LIMCH1: variants seen among roughly 807,000 people sequenced by gnomAD.
LIMCH1 encodes the protein LIM and calponin homology domains 1, also known as LIM and calponin homology domains-containing protein 1.
In LIMCH1, 113 loss-of-function variants were observed where a neutral mutation model predicts 176.5. The ratio of observed to expected loss-of-function variants is 0.64; its 90% confidence interval spans 0.55 to 0.75. The LOEUF (loss-of-function observed/expected upper bound fraction) is 0.75, where lower values mean the gene tolerates loss of function less well. Among genes scored for constraint, LIMCH1 ranks in the 30% least tolerant of loss-of-function variants. The pLI is 0.00. For synonymous variants in LIMCH1, 619 were observed against 645.9 expected (o/e 0.96, Z 0.63); for missense variants, 1,674 against 1,814.9 (o/e 0.92, Z 1.41).
chr4:41,402,249 AG>A (rs2058522105), intron 1 of LIMCH1, among the ~76,000 whole-genome samples: 1 of 152,166 alleles, frequency 6.6e-6, no homozygotes, highest in African/African-American at 2.4e-5. Context: ...TGGCCATCAG[AG>A]AAATGCAAAT....
At chr4:41,617,123 G>T (rs188536728) in intron 5 of LIMCH1, among the ~76,000 whole-genome samples, 55 of 152,060 alleles carry the variant, frequency 3.6e-4, no homozygotes, top group Non-Finnish European at 4.7e-4. Context: ...TACACAAATA[G>T]GATTCATAGA....
chr4:41,572,849 G>T (rs1031839984), intron 1 of LIMCH1, among the ~76,000 whole-genome samples: 1 of 152,184 alleles, frequency 6.6e-6, no homozygotes, highest in Non-Finnish European at 1.5e-5. Flanking sequence ...GGAGTCAGAC[G>T]AGTGTTCAGA....
intron 5 of LIMCH1, among the ~76,000 whole-genome samples, chr4:41,616,464 A>G (rs12509141): frequency 0.7 from 106,828 of 151,778 alleles, 38,074 homozygotes; most frequent in East Asian, 0.86. Context: ...GGGAGGTGGA[A>G]GTTGCAGTGA....
At chr4:41,472,877 C>G (rs567964553) in intron 1 of LIMCH1, 5 of 308,104 alleles carry the variant, frequency 1.6e-5, no homozygotes, top group Non-Finnish European at 2.4e-5. Context: ...GCAGGATTCC[C>G]CAAGCTTACT....
chr4:41,654,617 A>G (rs1454744516), intron 18 of LIMCH1, among the ~76,000 whole-genome samples: 2 of 152,160 alleles, frequency 1.3e-5, no homozygotes, highest in Non-Finnish European at 2.9e-5. Context: ...GGCTGAGTTT[A>G]GTCTGGGAAG....
At chr4:41,482,542 A>C (rs535184601) in intron 1 of LIMCH1, among the ~76,000 whole-genome samples, 1 of 152,290 alleles carries the variant, frequency 6.6e-6, no homozygotes, top group African/African-American at 2.4e-5. Context: ...TGCTTCTGCG[A>C]TGTTACAATC....
chr4:41,660,783 T>C (rs146934530), intron 18 of LIMCH1, among the ~76,000 whole-genome samples: 2 of 152,128 alleles, frequency 1.3e-5, no homozygotes, highest in African/African-American at 4.8e-5. Context: ...ATTGATATAT[T>C]TGAGGGTAAT....
Position 41,699,009 on chromosome 4 carries a change from TAAAAAG to T in LIMCH1, c.*1830_*1835del, listed in dbSNP as rs978490180. 1 of 152,286 alleles carries T rather than the reference TAAAAAG, an allele frequency of 6.6e-6. No individual in the cohort carries two copies. The highest frequency in any genetic ancestry group is 2.4e-5 in the African/African-American group (1 of 41,424). The allele number at this position is 152,286 out of a possible 1,614,324, so 9.4% of individuals were successfully genotyped here. On this transcript the variant is annotated 3_prime_UTR_variant, in exon 32 of 32. Coordinates refer to ENST00000503057, the MANE Select transcript of LIMCH1 (RefSeq NM_001330672.2). ...ATAAAAAAAGAAAAAAAGAAAAAATTAAAAAGAAAAATTGTTTTGAAAATGTACAGA... is the reference window on the plus strand; with the variant it reads ...ATAAAAAAAGAAAAAAAGAAAAAATTAAAAATTGTTTTGAAAATGTACAGA...
At chr4:41,473,848 T>C (rs1204470557) in intron 1 of LIMCH1, among the ~76,000 whole-genome samples, 1 of 152,138 alleles carries the variant, frequency 6.6e-6, no homozygotes, top group Non-Finnish European at 1.5e-5. Flanking sequence ...GGAACTGTAA[T>C]GACTAATTAA....
chr4:41,414,156 G>C (rs758932263), intron 1 of LIMCH1, among the ~76,000 whole-genome samples: 1 of 152,078 alleles, frequency 6.6e-6, no homozygotes, highest in Non-Finnish European at 1.5e-5. Flanking sequence ...AGGATGGGGG[G>C]GCAGGAAGAG....
intron 22 of LIMCH1, among the ~76,000 whole-genome samples, chr4:41,675,390 T>C (rs1585739619): frequency 6.6e-6 from 1 of 152,018 alleles, no homozygotes; most frequent in South Asian, 2.1e-4. Flanking sequence ...GCTACCAGGG[T>C]ACATAGATTT....
At chr4:41,395,040 G>T (rs1045796120) in intron 1 of LIMCH1, among the ~76,000 whole-genome samples, 2 of 152,148 alleles carry the variant, frequency 1.3e-5, no homozygotes, top group African/African-American at 4.8e-5. Context: ...GGGGTGCCCA[G>T]TTTCTCTTAA....
chr4:41,367,530 C>A, intron 1 of LIMCH1, among the ~76,000 whole-genome samples: 1 of 151,928 alleles, frequency 6.6e-6, no homozygotes, highest in East Asian at 1.9e-4. Flanking sequence ...TGGAGGAATA[C>A]ACCTGCACTT....
At chr4:41,590,854 G>A (rs2087417755) in intron 1 of LIMCH1, among the ~76,000 whole-genome samples, 1 of 152,184 alleles carries the variant, frequency 6.6e-6, no homozygotes, top group Non-Finnish European at 1.5e-5. Context: ...GCCAGTCACT[G>A]GAGTGTGACT....
intron 8 of LIMCH1, among the ~76,000 whole-genome samples, chr4:41,627,731 G>T (rs1278069468): frequency 2.0e-5 from 3 of 152,172 alleles, no homozygotes; most frequent in Non-Finnish European, 4.4e-5. Context: ...AGGGAGATAT[G>T]ATTTCATTTA....
rs113700746 is a variant in LIMCH1, at chr4:41,598,113, A to G, written c.-240-807A>G. On this transcript the variant is annotated intron_variant, in intron 1 of 31. Transcript: ENST00000503057. ...ACCTTCAAAAGTCTTTTAGGAAGAG[A>G]ACAGTTAGAGACTTGTAGCTGGTAA... Among the ~76,000 whole-genome samples, 28 of 152,312 alleles carry G rather than the reference A, an allele frequency of 1.8e-4. 1 individual carries two copies. Among genetic ancestry groups the G allele is most frequent in the African/African-American group, 6.3e-4 (26 of 41,570 alleles).
At chr4:41,539,523 C>T (rs1478270265) in intron 1 of LIMCH1, among the ~76,000 whole-genome samples, 1 of 152,174 alleles carries the variant, frequency 6.6e-6, no homozygotes, top group African/African-American at 2.4e-5. Flanking sequence ...TGAAGACCTT[C>T]CCAAGGGAAG....
chr4:41,644,701 G>T, intron 15 of LIMCH1, 75 bp downstream of exon 15: 1 of 1,531,672 alleles, frequency 6.5e-7, no homozygotes, highest in South Asian at 1.3e-5. Flanking sequence ...GGGTAGACGT[G>T]GACTTGAAAG....
At chr4:41,673,835 T>G (rs1474189051) in intron 22 of LIMCH1, among the ~76,000 whole-genome samples, 1 of 152,168 alleles carries the variant, frequency 6.6e-6, no homozygotes, top group Admixed American at 6.5e-5. Flanking sequence ...TAGGACAAAG[T>G]GGGTTAAATG....
Sources: allele counts gnomAD v4.1 joint callset (sites outside exome capture counted in the v4.1 genomes callset), GRCh38; gene constraint gnomAD v4.1.1; transcripts MANE v1.5; gene names NCBI Gene and HGNC (gene_info 2026-07-23, HGNC 2026-07-21).